AOPEP: variants seen among roughly 807,000 people sequenced by gnomAD.
AOPEP encodes aminopeptidase O (putative).
Under a neutral mutation model 98.1 loss-of-function variants are expected in AOPEP, and 77 were observed. The observed-to-expected ratio is 0.78, with a 90% CI of 0.65 to 0.95. The LOEUF is 0.95. AOPEP is among the 40% of genes least tolerant of loss of function. The pLI is 0.00. For missense variants in AOPEP, 1,024 were observed against 1,024.7 expected (o/e 1.00, Z 0.01); for synonymous variants, 346 against 365.3 (o/e 0.95, Z 0.60).
At chr9:95,088,197 G>A (rs2070811757), downstream of AOPEP, among the ~76,000 whole-genome samples, 1 of 151,804 alleles carries the variant, frequency 6.6e-6, no homozygotes, top group Admixed American at 6.6e-5. Flanking sequence ...TCTGTGTGCT[G>A]CTGCCTTTTT....
intron 11 of AOPEP, chr9:95,004,200 G>GC (rs536163054): frequency 7.0e-4 from 319 of 455,908 alleles, no homozygotes; most frequent in African/African-American, 4.5e-3. Context: ...GCCCTCACCG[G>GC]CAGGCGGGTT....
intron 5 of AOPEP, among the ~76,000 whole-genome samples, chr9:94,802,174 G>A (rs146789153): frequency 1.3e-5 from 2 of 152,016 alleles, no homozygotes; most frequent in South Asian, 2.1e-4. Context: ...CTTAATGGAG[G>A]GGGGGGCTTC....
At chr9:94,932,280 T>C in intron 7 of AOPEP, 6 of 984,532 alleles carry the variant, frequency 6.1e-6, no homozygotes, top group Non-Finnish European at 7.2e-6. Flanking sequence ...TTAAAAGACA[T>C]TGAGAAAAAG....
intron 14 of AOPEP, 122 bp from the exon 15 acceptor site, chr9:95,080,572 C>CA (rs1299227098): frequency 1.2e-5 from 8 of 673,550 alleles, no homozygotes; most frequent in Non-Finnish European, 2.1e-5. Context: ...CTAAGTGTGT[C>CA]AACAATGCCA....
At chr9:94,797,703 C>CTTTT (rs1298082623) in intron 4 of AOPEP, among the ~76,000 whole-genome samples, 1 of 130,088 alleles carries the variant, frequency 7.7e-6, no homozygotes, top group Non-Finnish European at 1.6e-5. Flanking sequence ...TCTCTCATAC[C>CTTTT]TTTTTTTTTT....
the AOPEP span, among the ~76,000 whole-genome samples, chr9:95,137,617 G>A: frequency 3.3e-5 from 5 of 152,200 alleles, no homozygotes; most frequent in African/African-American, 4.8e-5. Flanking sequence ...TTTGAGGTGT[G>A]TGGATTTGGA....
At chr9:94,943,592 T>C in intron 7 of AOPEP, among the ~76,000 whole-genome samples, 1 of 136,368 alleles carries the variant, frequency 7.3e-6, no homozygotes, top group Admixed American at 7.9e-5. Context: ...GGACTCCATC[T>C]CAAATAAAAA....
intron 5 of AOPEP, among the ~76,000 whole-genome samples, chr9:94,913,592 A>C (rs1382484943): frequency 6.6e-6 from 1 of 152,276 alleles, no homozygotes; most frequent in Non-Finnish European, 1.5e-5. Context: ...TTATTGATGC[A>C]GATGAGTACT....
At chr9:94,758,278 A>T (rs1837504570) in intron 1 of AOPEP, among the ~76,000 whole-genome samples, 1 of 152,186 alleles carries the variant, frequency 6.6e-6, no homozygotes, top group African/African-American at 2.4e-5. Context: ...TGTTTTGAGT[A>T]GGCCCTTTGG....
chr9:95,006,769 G>A lies in AOPEP; in HGVS notation c.2115+1153G>A, dbSNP rs139990873. ...TCTGACCATACCTCAGCATGGTATG[G>A]TAAGTTGTGTTTAATGGTTTAGGTG... On this transcript the variant is annotated intron_variant, in intron 13 of 16. Transcript: ENST00000375315. Among the ~76,000 whole-genome samples the A allele has an allele frequency of 1.2e-4, 19 of 152,260 alleles. No homozygotes were observed. The East Asian group carries it at 3.5e-3, about 28-fold the overall frequency.
intron 13 of AOPEP, among the ~76,000 whole-genome samples, chr9:95,050,651 T>C (rs1031580865): frequency 6.6e-6 from 1 of 152,226 alleles, no homozygotes; most frequent in African/African-American, 2.4e-5. Context: ...TTAGTTGTGG[T>C]CGGCTCTCCT....
chr9:94,824,876 G>GTTTTTTTT (rs10625567), intron 5 of AOPEP: 1 of 139,706 alleles, frequency 7.2e-6, no homozygotes. Context: ...TTTGGTGAGT[G>GTTTTTTTT]TTTTTTTTTT....
chr9:94,851,880 C>T (rs2043593882), intron 5 of AOPEP, among the ~76,000 whole-genome samples: 1 of 151,274 alleles, frequency 6.6e-6, no homozygotes, highest in Admixed American at 6.6e-5. Flanking sequence ...TGGGGTACAG[C>T]CCAGACATTG....
At chr9:94,743,916 G>C (rs912420447) in intron 1 of AOPEP, among the ~76,000 whole-genome samples, 2 of 152,128 alleles carry the variant, frequency 1.3e-5, no homozygotes, top group African/African-American at 2.4e-5. Flanking sequence ...AAGCGAGCAG[G>C]GACTTGGGAG....
chr9:94,870,646 C>G (rs1018298134), intron 5 of AOPEP, among the ~76,000 whole-genome samples: 1 of 152,198 alleles, frequency 6.6e-6, no homozygotes, highest in Non-Finnish European at 1.5e-5. Flanking sequence ...AGCCTTGTCT[C>G]AGGCAGGGGT....
chr9:94,967,053 G>A (rs1198120751), intron 9 of AOPEP, among the ~76,000 whole-genome samples: 1 of 152,172 alleles, frequency 6.6e-6, no homozygotes, highest in African/African-American at 2.4e-5. Context: ...GGGATGGGCT[G>A]TGCATTGATG....
intron 5 of AOPEP, among the ~76,000 whole-genome samples, chr9:94,825,366 C>A (rs1025978031): frequency 3.3e-5 from 5 of 152,224 alleles, no homozygotes; most frequent in African/African-American, 1.2e-4. Context: ...GGGAGACCCA[C>A]GTTGTCGAAG....
chr9:95,071,725 A>C (rs1352382985), intron 14 of AOPEP, among the ~76,000 whole-genome samples: 3 of 152,176 alleles, frequency 2.0e-5, no homozygotes, highest in African/African-American at 7.2e-5. Context: ...GCCTGTAGCC[A>C]TGTCTGCTCA....
intron 5 of AOPEP, among the ~76,000 whole-genome samples, chr9:94,919,256 C>T (rs1052846348): frequency 1.3e-5 from 2 of 152,158 alleles, no homozygotes; most frequent in Non-Finnish European, 2.9e-5. Flanking sequence ...ATTGATCAGA[C>T]GTAGCAAGTT....
Sources: gnomAD v4.1 joint callset for allele counts (sites outside exome capture counted in the v4.1 genomes callset) on GRCh38, gnomAD v4.1.1 for gene constraint, MANE v1.5 for transcripts, NCBI Gene and HGNC (gene_info 2026-07-23, HGNC 2026-07-21) for gene names.